The following SLC37A1 variants were observed in gnomAD, a reference collection of about 807,000 sequenced individuals.
The protein encoded by SLC37A1 is solute carrier family 37 member 1.
Under a neutral mutation model 75.3 loss-of-function variants are expected in SLC37A1, and 49 were observed. The observed-to-expected ratio is 0.65, with a 90% CI of 0.52 to 0.83. The LOEUF is 0.83. Among genes scored for constraint, SLC37A1 ranks in the 40% least tolerant of loss-of-function variants. The pLI, the probability that SLC37A1 is intolerant of heterozygous loss-of-function variation, is 0.00. For missense variants in SLC37A1, 566 were observed against 695.0 expected, an observed-to-expected ratio of 0.81 and a Z score of 2.09; for synonymous variants, 268 against 292.1, an observed-to-expected ratio of 0.92 and a Z score of 0.84.
intron 3 of SLC37A1, among the ~76,000 whole-genome samples, chr21:42,527,233 G>C (rs1392720287): frequency 6.6e-6 from 1 of 152,178 alleles, no homozygotes; most frequent in Non-Finnish European, 1.5e-5. Flanking sequence ...GGGGCTGTTG[G>C]GGCAGATGTA....
chr21:42,503,164 A>G (rs1000453832), intron 2 of SLC37A1, among the ~76,000 whole-genome samples: 1 of 152,142 alleles, frequency 6.6e-6, no homozygotes, highest in African/African-American at 2.4e-5. Context: ...TTATTATGTC[A>G]CAAATGTTGG....
rs1279271888 is a variant in SLC37A1, at chr21:42,530,644, ACACACACACACC to A, written c.139-4052_139-4041del. Among the ~76,000 whole-genome samples the A allele has an allele frequency of 2.0e-3, 58 of 28,636 alleles. 2 individuals are homozygous for A. The highest frequency in any genetic ancestry group is 6.5e-3 in the Admixed American group (12 of 1,856). 18.8% of individuals were successfully genotyped at this position (28,636 alleles called of 152,430 possible). ...CACACACACACACACACACACACAC[ACACACACACACC>A]CCCTCTGTGTTGGCTGAAGGTGGAG... On this transcript the variant is annotated intron_variant, in intron 3 of 19. Transcript: ENST00000352133.
At chr21:42,579,508 T>TTCATCAGACAGCCCTGCCC (rs145032115) in intron 18 of SLC37A1, among the ~76,000 whole-genome samples, 6 of 126,264 alleles carry the variant, frequency 4.8e-5, no homozygotes, top group East Asian at 2.1e-4. Flanking sequence ...TTCGTGGGCC[T>TTCATCAGACAGCCCTGCCC]TCATCAGACA....
intron 10 of SLC37A1, among the ~76,000 whole-genome samples, chr21:42,558,589 A>T (rs2055747572): frequency 6.6e-6 from 1 of 152,236 alleles, no homozygotes. Flanking sequence ...TCCGTCATTA[A>T]AATCTCCCAA....
Position 42,574,853 on chromosome 21 carries a change from T to C in SLC37A1, c.1459T>C (p.Ser487Pro). 4 of 1,614,170 alleles carry C rather than the reference T, an allele frequency of 2.5e-6. No individual in the cohort carries two copies. Among genetic ancestry groups the C allele is most frequent in the Non-Finnish European group, 3.4e-6 (4 of 1,179,998 alleles). The change falls in exon 18 of 20, where the codon TCC (serine) becomes CCC (proline). Residue 487 changes from serine (S) to proline (P), a missense_variant. Transcript: ENST00000352133. ...ALGPLLAGLL[S>P]PSGWSNVFYM... ...GGGCCCCCTGCTGGCTGGGCTCCTC[T>C]CCCCGTCCGGCTGGAGCAATGTGTT... is the stretch of plus-strand genomic sequence containing the variant.
intron 5 of SLC37A1, among the ~76,000 whole-genome samples, chr21:42,536,493 A>T (rs1432552708): frequency 1.3e-5 from 2 of 152,156 alleles, no homozygotes; most frequent in Admixed American, 6.5e-5. Context: ...TAAAGGCAGT[A>T]TAGGGATGTT....
At chr21:42,504,620 C>A (rs895522573) in intron 2 of SLC37A1, among the ~76,000 whole-genome samples, 3 of 152,146 alleles carry the variant, frequency 2.0e-5, no homozygotes, top group African/African-American at 7.2e-5. Flanking sequence ...CCCAGCATGA[C>A]CCTGCAAGAC....
At chr21:42,503,248 CTT>C (rs11444113) in intron 2 of SLC37A1, among the ~76,000 whole-genome samples, 18 of 125,698 alleles carry the variant, frequency 1.4e-4, no homozygotes, top group Admixed American at 8.5e-5. Flanking sequence ...AATTATACTC[CTT>C]TTTTTTTTTT....
Position 42,580,516 on chromosome 21 carries a change from C to G in SLC37A1, c.*156C>G. ...GACACAGAAGCCAACCTGAGAACCC[C>G]TGGTGCTATTTTAAAGGAGACATAT... On this transcript the variant is annotated 3_prime_UTR_variant, in exon 20 of 20. Transcript: ENST00000352133. 1.4e-6 allele frequency: 1 copy of G among 737,762 alleles called. No homozygotes were observed. The highest frequency in any genetic ancestry group is 2.2e-6 in the Non-Finnish European group (1 of 454,258). 45.7% of individuals were successfully genotyped at this position (737,762 alleles called of 1,614,324 possible). A position where few individuals can be genotyped will look rare whatever the true frequency, so the allele number is the denominator to read the frequency against.
chr21:42,572,816 C>T (rs1385638704), intron 17 of SLC37A1, among the ~76,000 whole-genome samples: 1 of 151,914 alleles, frequency 6.6e-6, no homozygotes, highest in Non-Finnish European at 1.5e-5. Flanking sequence ...CAGGCTCCCT[C>T]CTGCCAGCTT....
intron 3 of SLC37A1, among the ~76,000 whole-genome samples, chr21:42,530,148 T>G (rs2054909915): frequency 6.6e-6 from 1 of 152,192 alleles, no homozygotes; most frequent in South Asian, 2.1e-4. Flanking sequence ...CCTAAAAGAA[T>G]TCATCACAGG....
At chr21:42,500,572 G>A (rs540546269) in intron 1 of SLC37A1, among the ~76,000 whole-genome samples, 4 of 152,274 alleles carry the variant, frequency 2.6e-5, no homozygotes, top group African/African-American at 9.6e-5. Context: ...AGCACCTTTT[G>A]TCTATCAGTA....
At chr21:42,571,979 G>A (rs552137210) in intron 17 of SLC37A1, among the ~76,000 whole-genome samples, 1 of 152,250 alleles carries the variant, frequency 6.6e-6, no homozygotes, top group South Asian at 2.1e-4. Context: ...TCTTGCCTGC[G>A]ACACAGCCCT....
Position 42,556,718 on chromosome 21 carries a change from C to G in SLC37A1, c.850-2240C>G, listed in dbSNP as rs528228655. Among the ~76,000 whole-genome samples, 601 of 152,320 alleles carry G rather than the reference C, an allele frequency of 3.9e-3. 5 individuals are homozygous for G. Among genetic ancestry groups the G allele is most frequent in the Middle Eastern group, 0.037 (11 of 294 alleles). On this transcript the variant is annotated intron_variant, in intron 10 of 19. Transcript: ENST00000352133. ...TAGAGGCAGAGGTGCCTCTTGGCCT[C>G]CAGCCTTGTCTTGGTCCACCCAGTG... is the stretch of plus-strand genomic sequence containing the variant.
intron 11 of SLC37A1, among the ~76,000 whole-genome samples, chr21:42,559,486 C>G (rs117490654): frequency 0.065 from 9,874 of 152,334 alleles, 458 homozygotes; most frequent in Middle Eastern, 0.11. Context: ...AGTGCACTTG[C>G]CCTCCCACAG....
chr21:42,554,803 C>T (rs904442647), intron 10 of SLC37A1, among the ~76,000 whole-genome samples: 10 of 152,176 alleles, frequency 6.6e-5, no homozygotes, highest in Admixed American at 5.2e-4. Flanking sequence ...CCACCCCTAG[C>T]ACCTGAGCCT....
At chr21:42,530,630 ACACACACACACACACACACACACACC>A (rs879314443) in intron 3 of SLC37A1, among the ~76,000 whole-genome samples, 4,300 of 101,650 alleles carry the variant, frequency 0.042, 171 homozygotes, top group Non-Finnish European at 0.065. Context: ...ACACACACAC[ACACACACACACACACACACACACACC>A]CCCTCTGTGT....
At chr21:42,518,740 G>A (rs570301727) in intron 2 of SLC37A1, among the ~76,000 whole-genome samples, 10 of 152,284 alleles carry the variant, frequency 6.6e-5, no homozygotes, top group Admixed American at 4.6e-4. Flanking sequence ...GGGCTCCCGC[G>A]TGGTCTCCAG....
In SLC37A1 at chr21:42,548,524, G is replaced by T. The variant is rs1258456698; in HGVS notation, c.768+1384G>T. On this transcript the variant is annotated intron_variant, in intron 9 of 19. Transcript: ENST00000352133. This position sits in a 1 kb window ranked among gnomAD's most constrained non-coding sequence, Gnocchi z 5.6. Reference sequence around the variant, plus strand: ...CTGTCAGTTCTGCTCTGTTCTGTGAGGGGATGTGGAATGGAAACCCTCTCA... The same window carrying T: ...CTGTCAGTTCTGCTCTGTTCTGTGATGGGATGTGGAATGGAAACCCTCTCA... Among the ~76,000 whole-genome samples, 2 of 152,066 alleles carry T rather than the reference G, an allele frequency of 1.3e-5. No homozygotes were observed. The highest frequency in any genetic ancestry group is 2.9e-5 in the Non-Finnish European group (2 of 68,026).
Sources: gnomAD v4.1 joint callset for allele counts (sites outside exome capture counted in the v4.1 genomes callset) on GRCh38, gnomAD v4.1.1 for gene constraint, Gnocchi (gnomAD v3.1) non-coding constraint, MANE v1.5 for transcripts, NCBI Gene and HGNC (gene_info 2026-07-23, HGNC 2026-07-21) for gene names.